Variants in TTC7B observed in about 807,000 individuals in gnomAD.
TTC7B encodes the protein tetratricopeptide repeat domain 7B.
Under a neutral mutation model 106.8 loss-of-function variants are expected in TTC7B, and 28 were observed. That is an observed-to-expected ratio of 0.26 (90% confidence interval 0.19 to 0.36). TTC7B has a LOEUF of 0.36. Ranked by LOEUF, TTC7B falls within the 10% of genes least tolerant of loss-of-function variation. The probability of loss-of-function intolerance (pLI) is 1.00; values close to 1 mark genes in which losing one functional copy is unlikely to be tolerated. For missense variants in TTC7B, 862 were observed against 1,076.4 expected, an observed-to-expected ratio of 0.80 and a Z score of 2.79; for synonymous variants, 405 against 430.6, an observed-to-expected ratio of 0.94 and a Z score of 0.74.
At chr14:90,619,546 G>C (rs1893225260) in intron 15 of TTC7B, among the ~76,000 whole-genome samples, 1 of 152,116 alleles carries the variant, frequency 6.6e-6, no homozygotes, top group African/African-American at 2.4e-5. Flanking sequence ...ATATTAGCTG[G>C]CATTTGTTGT....
At chr14:90,751,799 T>C (rs77128144) in intron 3 of TTC7B, among the ~76,000 whole-genome samples, 15,653 of 152,190 alleles carry the variant, frequency 0.1, 937 homozygotes, top group African/African-American at 0.17. Flanking sequence ...ACCCCTTCCA[T>C]GTGCCTGTTT....
chr14:90,597,158 G>A (rs1261689875), intron 17 of TTC7B, among the ~76,000 whole-genome samples: 1 of 152,200 alleles, frequency 6.6e-6, no homozygotes, highest in Non-Finnish European at 1.5e-5. Flanking sequence ...CACCAGGGCA[G>A]AGAGCCTTCA....
At chr14:90,721,702 G>A (rs1341838697) in intron 5 of TTC7B, among the ~76,000 whole-genome samples, 1 of 152,200 alleles carries the variant, frequency 6.6e-6, no homozygotes, top group Non-Finnish European at 1.5e-5. Flanking sequence ...GAAGACAGGA[G>A]CAAGAGGACA....
chr14:90,628,140 A>T (rs1566806776), intron 15 of TTC7B, among the ~76,000 whole-genome samples: 1 of 152,216 alleles, frequency 6.6e-6, no homozygotes, highest in Non-Finnish European at 1.5e-5. Flanking sequence ...TTGGAAAATG[A>T]ATTGAACAAG....
intron 1 of TTC7B, among the ~76,000 whole-genome samples, chr14:90,814,810 G>A (rs2031084808): frequency 6.6e-6 from 1 of 152,196 alleles, no homozygotes; most frequent in Admixed American, 6.5e-5. Flanking sequence ...CTCAAAGGCT[G>A]ACATAACTGA....
intron 6 of TTC7B, among the ~76,000 whole-genome samples, chr14:90,692,257 G>A (rs530259705): frequency 5.9e-5 from 9 of 152,218 alleles, no homozygotes; most frequent in Non-Finnish European, 1.2e-4. Context: ...ACCCAGGCTG[G>A]AGTGCAGTGG....
In TTC7B at chr14:90,744,909, C is replaced by T. The variant is rs775231737; in HGVS notation, c.459G>A (p.Glu153=). 1.5e-5 allele frequency: 24 copies of T among 1,613,254 alleles called. No individual in the cohort carries two copies. The highest frequency in any genetic ancestry group is 1.9e-5 in the Non-Finnish European group (22 of 1,179,922). Residue 153 remains glutamate (E), a synonymous_variant, in exon 4 of 20, where the codon GAG becomes GAA. Coordinates refer to ENST00000328459, the MANE Select transcript of TTC7B (RefSeq NM_001010854.2). ...EAYATKGLCL[E]KLPISSSTSN... is the part of the protein sequence containing the mutation. Reference sequence around the variant, plus strand: ...TGGTAGAAGAAGAAATAGGCAGCTTCTCCAAACAAAGTCCTTAAAAAAATA... The same window carrying T: ...TGGTAGAAGAAGAAATAGGCAGCTTTTCCAAACAAAGTCCTTAAAAAAATA...
At chr14:90,701,709 T>TATATACACACACACACAC (rs1555391267) in intron 5 of TTC7B, among the ~76,000 whole-genome samples, 7 of 150,090 alleles carry the variant, frequency 4.7e-5, no homozygotes, top group African/African-American at 1.7e-4. Context: ...TATATATATA[T>TATATACACACACACACAC]ACACACACAC....
At position 90,531,659 on chromosome 14, in the gene TTC7B, G is replaced by C. The variant is rs1156388566; in HGVS notation, c.*9709C>G. 1 of 150,542 alleles carries C rather than the reference G, an allele frequency of 6.6e-6. No homozygotes were observed. Among genetic ancestry groups the C allele is most frequent in the Non-Finnish European group, 1.5e-5 (1 of 68,020 alleles). 9.3% of individuals were successfully genotyped at this position (150,542 alleles called of 1,614,324 possible). A position where few individuals can be genotyped will look rare whatever the true frequency, so the allele number is the denominator to read the frequency against. On this transcript the variant is annotated 3_prime_UTR_variant, in exon 20 of 20. Transcript: ENST00000328459. ...AAAAAAAAAAGCCGTGGGTGAACTG[G>C]CTTCATTTCTATACAGGAGCTCTGT...
At chr14:90,811,481 C>T (rs541613130) in intron 1 of TTC7B, among the ~76,000 whole-genome samples, 27 of 152,302 alleles carry the variant, frequency 1.8e-4, no homozygotes, top group Admixed American at 5.2e-4. Flanking sequence ...TAGTCCACCC[C>T]GACTCCTCTT....
At chr14:90,563,924 C>T (rs1055035107) in intron 19 of TTC7B, among the ~76,000 whole-genome samples, 3 of 152,156 alleles carry the variant, frequency 2.0e-5, no homozygotes, top group Non-Finnish European at 4.4e-5. Flanking sequence ...TGCTCTCTTG[C>T]TATTCCCACC....
intron 1 of TTC7B, among the ~76,000 whole-genome samples, chr14:90,792,815 A>T (rs928382799): frequency 5.9e-5 from 9 of 152,116 alleles, no homozygotes; most frequent in Admixed American, 2.6e-4. Flanking sequence ...GCAAGATGGA[A>T]AATGTGGGGA....
intron 9 of TTC7B, among the ~76,000 whole-genome samples, chr14:90,665,794 G>A (rs954185274): frequency 6.6e-6 from 1 of 152,210 alleles, no homozygotes; most frequent in African/African-American, 2.4e-5. Context: ...AGATCCTTCA[G>A]TTCTTCAGGG....
Position 90,532,009 on chromosome 14 carries a change from C to T in TTC7B, c.*9359G>A, listed in dbSNP as rs549031264. 6.6e-6 allele frequency: 1 copy of T among 152,214 alleles called. No individual in the cohort carries two copies. Among genetic ancestry groups the T allele is most frequent in the East Asian group, 1.9e-4 (1 of 5,172 alleles). The allele number at this position is 152,214 out of a possible 1,614,324, so 9.4% of individuals were successfully genotyped here. A position where few individuals can be genotyped will look rare whatever the true frequency, so the allele number is the denominator to read the frequency against. On this transcript the variant is annotated 3_prime_UTR_variant, in exon 20 of 20. Coordinates refer to ENST00000328459, the MANE Select transcript of TTC7B (RefSeq NM_001010854.2). ...TCAGCCTAGGCAACATGGCAAAACT[C>T]TGTCTCTGAAAAAAATTAGTGGGGC...
At position 90,600,770 on chromosome 14, in the gene TTC7B, C is replaced by T. The variant is rs1191355773; in HGVS notation, c.1967-7144G>A. Among the ~76,000 whole-genome samples, 5 of 152,220 alleles carry T rather than the reference C, an allele frequency of 3.3e-5. No individual in the cohort carries two copies. The highest frequency in any genetic ancestry group is 1.3e-4 in the Admixed American group (2 of 15,290). On this transcript the variant is annotated intron_variant, in intron 17 of 19. Coordinates refer to ENST00000328459, the MANE Select transcript of TTC7B (RefSeq NM_001010854.2). The surrounding 1 kb of genome is among the most constrained non-coding windows in gnomAD (Gnocchi z 4.3). ...AAAGCATGGAGGGAAGCCGTTCACA[C>T]GCATGCAGGAAGGTGCCAGCTGTCA...
chr14:90,641,560 A>G (rs778914855), intron 15 of TTC7B, among the ~76,000 whole-genome samples: 2 of 152,368 alleles, frequency 1.3e-5, no homozygotes, highest in Non-Finnish European at 1.5e-5. Context: ...TCTGGCCCCA[A>G]CTTTTAATAA....
chr14:90,595,851 G>A (rs940636343), intron 17 of TTC7B, among the ~76,000 whole-genome samples: 1 of 152,156 alleles, frequency 6.6e-6, no homozygotes, highest in Admixed American at 6.5e-5. Flanking sequence ...AGAACCACTC[G>A]CTTGGAGAGA....
intron 1 of TTC7B, among the ~76,000 whole-genome samples, chr14:90,794,207 A>ACTTT (rs1566891563): frequency 1.5e-5 from 2 of 130,618 alleles, no homozygotes; most frequent in Non-Finnish European, 1.5e-5. Context: ...CTGGCTGGGT[A>ACTTT]TTTCTTTTTT....
intron 14 of TTC7B, 133 bp downstream of exon 14, chr14:90,646,818 G>T: frequency 1.2e-6 from 1 of 840,870 alleles, no homozygotes; most frequent in Non-Finnish European, 2.0e-6. Flanking sequence ...TGAAACCTCT[G>T]AGAAGGGTTC....
Sources: gnomAD v4.1 joint callset for allele counts (sites outside exome capture counted in the v4.1 genomes callset) on GRCh38, gnomAD v4.1.1 for gene constraint, Gnocchi (gnomAD v3.1) non-coding constraint, MANE v1.5 for transcripts, NCBI Gene and HGNC (gene_info 2026-07-23, HGNC 2026-07-21) for gene names.